The following SLC47A1 variants were observed in gnomAD, a reference collection of about 807,000 sequenced individuals.
The protein encoded by SLC47A1 is solute carrier family 47 member 1, also known as multidrug and toxin extrusion protein 1.
SLC47A1 carries 58 observed loss-of-function variants against 65.8 expected under a neutral mutation model. The ratio of observed to expected loss-of-function variants is 0.88; its 90% CI spans 0.71 to 1.10. The LOEUF (loss-of-function observed/expected upper bound fraction) is 1.10, where lower values mean the gene tolerates loss of function less well. SLC47A1 is among the 50% of genes least tolerant of loss of function. The probability of loss-of-function intolerance (pLI) is 0.00; values close to 1 mark genes in which losing one functional copy is unlikely to be tolerated. For synonymous variants in SLC47A1, 285 were observed against 295.0 expected, an observed-to-expected ratio of 0.97 and a Z score of 0.35; for missense variants, 706 against 719.2, an observed-to-expected ratio of 0.98 and a Z score of 0.21.
At chr17:19,543,884 C>A in intron 2 of SLC47A1, among the ~76,000 whole-genome samples, 1 of 152,314 alleles carries the variant, frequency 6.6e-6, no homozygotes, top group Middle Eastern at 3.4e-3. Flanking sequence ...CCATGAACTA[C>A]GCGAAACGCC....
At chr17:19,535,127 C>G (rs1439190389) in intron 1 of SLC47A1, 5 of 152,358 alleles carry the variant, frequency 3.3e-5, no homozygotes, top group Admixed American at 2.6e-4. Flanking sequence ...TGCTTTCTCA[C>G]AGACCAGAAA....
At chr17:19,574,188 G>A (rs2152317858) in intron 16 of SLC47A1, among the ~76,000 whole-genome samples, 1 of 151,460 alleles carries the variant, frequency 6.6e-6, no homozygotes, top group South Asian at 2.1e-4. Context: ...CCCCCAAAGT[G>A]CTGGGATTAC....
At chr17:19,558,179 G>A (rs552663306) in intron 10 of SLC47A1, among the ~76,000 whole-genome samples, 10 of 152,164 alleles carry the variant, frequency 6.6e-5, no homozygotes, top group East Asian at 3.9e-4. Context: ...TTCCCCTAGC[G>A]TCATATCTCT....
At chr17:19,541,566 A>G (rs2152312342) in intron 1 of SLC47A1, among the ~76,000 whole-genome samples, 1 of 152,274 alleles carries the variant, frequency 6.6e-6, no homozygotes, top group East Asian at 1.9e-4. Flanking sequence ...GAGGCTTCCT[A>G]GAATGCAAGG....
intron 10 of SLC47A1, among the ~76,000 whole-genome samples, chr17:19,559,688 C>T (rs1193702451): frequency 6.6e-6 from 1 of 152,090 alleles, no homozygotes; most frequent in African/African-American, 2.4e-5. Flanking sequence ...TGCACCACCA[C>T]GCCCAGCTAA....
In SLC47A1 at chr17:19,555,982, C is replaced by T. The variant is rs758184115; in HGVS notation, c.854-13C>T. 3.1e-6 allele frequency: 5 copies of T among 1,614,162 alleles called. No individual in the cohort carries two copies. The highest frequency in any genetic ancestry group is 4.2e-6 in the Non-Finnish European group (5 of 1,180,028). On this transcript the variant is annotated splice_polypyrimidine_tract_variant and intron_variant, in intron 9 of 16. Coordinates refer to ENST00000270570, the MANE Select transcript of SLC47A1 (RefSeq NM_018242.3). ...TGTCTGGGTGCAAGGCGACAGCTGT[C>T]TTTCTTCACCAGGCATCCTCGGCAT...
intron 1 of SLC47A1, among the ~76,000 whole-genome samples, chr17:19,540,849 G>GAC (rs144308134): frequency 0.59 from 84,556 of 142,874 alleles, 24,003 homozygotes; most frequent in East Asian, 0.68. Flanking sequence ...TCCTACAACA[G>GAC]ACACACACAC....
chr17:19,537,282 T>G (rs1597491351), intron 1 of SLC47A1, among the ~76,000 whole-genome samples: 1 of 149,606 alleles, frequency 6.7e-6, no homozygotes, highest in Non-Finnish European at 1.5e-5. Context: ...TTGAGGGGGG[T>G]GAGGTGGGGG....
At chr17:19,573,168 G>C (rs1261634618) in intron 16 of SLC47A1, among the ~76,000 whole-genome samples, 1 of 152,166 alleles carries the variant, frequency 6.6e-6, no homozygotes, top group Admixed American at 6.5e-5. Flanking sequence ...ACTGACATTT[G>C]TTTGTTTTAA....
chr17:19,574,458 C>T (rs536476476), intron 16 of SLC47A1, among the ~76,000 whole-genome samples: 22 of 152,256 alleles, frequency 1.4e-4, no homozygotes, highest in Non-Finnish European at 2.6e-4. Context: ...GGGTTTCCTT[C>T]GTCCCTGGAT....
chr17:19,567,997 A>G (rs1394276070), intron 14 of SLC47A1: 1 of 152,266 alleles, frequency 6.6e-6, no homozygotes, highest in African/African-American at 2.4e-5. Context: ...CTTTTTAAAA[A>G]GTACGGAAAT....
chr17:19,544,745 G>A (rs1181604543), intron 2 of SLC47A1, among the ~76,000 whole-genome samples: 1 of 152,194 alleles, frequency 6.6e-6, no homozygotes, highest in Non-Finnish European at 1.5e-5. Context: ...TTGCATTCCC[G>A]GAAGAAGTGT....
intron 1 of SLC47A1, among the ~76,000 whole-genome samples, chr17:19,539,633 C>T (rs1916085041): frequency 6.6e-6 from 1 of 152,100 alleles, no homozygotes; most frequent in Admixed American, 6.6e-5. Context: ...TACAGGTGTG[C>T]ACCACTGCAC....
At chr17:19,553,937 A>G (rs1916527953) in intron 6 of SLC47A1, among the ~76,000 whole-genome samples, 1 of 152,076 alleles carries the variant, frequency 6.6e-6, no homozygotes, top group African/African-American at 2.4e-5. Flanking sequence ...AAATCTGATC[A>G]CTAATTCCCT....
chr17:19,571,602 G>T (rs761751004), intron 15 of SLC47A1, 30 bp downstream of exon 15: 7 of 1,562,208 alleles, frequency 4.5e-6, no homozygotes, highest in Non-Finnish European at 6.2e-6. Flanking sequence ...CCCGGTAAAG[G>T]TTCCTCTCCT....
At position 19,560,473 on chromosome 17, in the gene SLC47A1, G is replaced by T. The variant is rs754347087; in HGVS notation, c.1086G>T (p.Gly362=). Reference sequence around the variant, plus strand: ...TGTTAAGCTGTAAGGATCACGTGGGGTACATTTTTACTACCGACCGGTGAG... The same window carrying T: ...TGTTAAGCTGTAAGGATCACGTGGGTTACATTTTTACTACCGACCGGTGAG... The part of the protein sequence containing the change: ...VLLLSCKDHV[G]YIFTTDRDII... The change falls in exon 12 of 17, where the codon GGG becomes GGT. Residue 362 remains glycine (G), a synonymous_variant. Transcript: ENST00000270570. 6.2e-7 allele frequency: 1 copy of T among 1,614,148 alleles called. No individual in the cohort carries two copies. The highest frequency in any genetic ancestry group is 8.5e-7 in the Non-Finnish European group (1 of 1,180,044).
chr17:19,551,513 G>A, intron 6 of SLC47A1, 45 bp downstream of exon 6: 3 of 1,564,704 alleles, frequency 1.9e-6, no homozygotes, highest in Non-Finnish European at 2.6e-6. Flanking sequence ...ATGGGAGTTT[G>A]TACCTTTCTG....
intron 14 of SLC47A1, among the ~76,000 whole-genome samples, chr17:19,570,297 A>C (rs1486964269): frequency 1.3e-5 from 2 of 152,218 alleles, no homozygotes. Flanking sequence ...CAAGACAAGC[A>C]AAGTCTGTGT....
intron 6 of SLC47A1, among the ~76,000 whole-genome samples, chr17:19,553,409 T>C (rs1916510474): frequency 6.6e-6 from 1 of 152,180 alleles, no homozygotes; most frequent in African/African-American, 2.4e-5. Flanking sequence ...TTGCTCCCAG[T>C]AACCTGTCCT....
Sources: gnomAD v4.1 joint callset for allele counts (sites outside exome capture counted in the v4.1 genomes callset) on GRCh38, gnomAD v4.1.1 for gene constraint, MANE v1.5 for transcripts, NCBI Gene and HGNC (gene_info 2026-07-23, HGNC 2026-07-21) for gene names.